CDH18: variants seen among roughly 807,000 people sequenced by gnomAD.
The protein encoded by CDH18 is cadherin 18, also known as cadherin-18.
CDH18 carries 31 observed loss-of-function variants against 67.9 expected under a neutral mutation model. That is an observed-to-expected ratio of 0.46 (90% CI 0.34 to 0.62). The LOEUF (loss-of-function observed/expected upper bound fraction) is 0.62. Among genes scored for constraint, CDH18 ranks in the 20% least tolerant of loss-of-function variants. The pLI is 0.01. For synonymous variants in CDH18, 362 were observed against 347.2 expected (o/e 1.04, Z -0.48); for missense variants, 890 against 975.5 (o/e 0.91, Z 1.17).
chr5:20,298,399 A>C (rs1561950129), intron 1 of CDH18, among the ~76,000 whole-genome samples: 1 of 152,154 alleles, frequency 6.6e-6, no homozygotes, highest in Non-Finnish European at 1.5e-5. Context: ...GAGACCGGTA[A>C]AGGAATTTCA....
At chr5:19,992,449 T>TAAA (rs548977890), upstream of CDH18, among the ~76,000 whole-genome samples, 2 of 128,678 alleles carry the variant, frequency 1.6e-5, no homozygotes, top group Non-Finnish European at 3.3e-5. Flanking sequence ...ATGCCAGACT[T>TAAA]AAAAAAAAAA....
At position 20,019,725 on chromosome 5, in the gene CDH18, C is replaced by A. The variant is rs563510603; in HGVS notation, c.-517-27711G>T. 6.6e-5 allele frequency among the ~76,000 whole-genome samples: 10 copies of A among 152,184 alleles called. 1 individual carries two copies. Among genetic ancestry groups the A allele is most frequent in the African/African-American group, 2.2e-4 (9 of 41,520 alleles). On this transcript the variant is annotated intron_variant, in intron 2 of 14. Transcript: ENST00000507958. ...TATAAATTACCCAGTCTCAGGTAGT[C>A]CTTTATAGCAATGAAAGAATGAACC...
intron 11 of CDH18, among the ~76,000 whole-genome samples, chr5:19,484,505 C>T: frequency 6.6e-6 from 1 of 152,164 alleles, no homozygotes; most frequent in East Asian, 1.9e-4. Context: ...GCTGAAAACC[C>T]ACATGGTCCA....
At chr5:20,160,293 T>C (rs566805958) in intron 2 of CDH18, among the ~76,000 whole-genome samples, 2 of 152,334 alleles carry the variant, frequency 1.3e-5, no homozygotes, top group East Asian at 1.9e-4. Context: ...TATATCTGCC[T>C]GAACCTGAGT....
At chr5:19,775,992 T>G (rs2149760883) in intron 3 of CDH18, among the ~76,000 whole-genome samples, 1 of 152,054 alleles carries the variant, frequency 6.6e-6, no homozygotes, top group Admixed American at 6.6e-5. Context: ...TCAACAAAAA[T>G]GCAGATGTAC....
chr5:20,038,553 C>A (rs1474750256), intron 2 of CDH18, among the ~76,000 whole-genome samples: 1 of 152,032 alleles, frequency 6.6e-6, no homozygotes, highest in Non-Finnish European at 1.5e-5. Flanking sequence ...TGCAAATCAA[C>A]AAATGTAATC....
chr5:20,518,138 C>A (rs557680880), intron 1 of CDH18, among the ~76,000 whole-genome samples: 1 of 152,022 alleles, frequency 6.6e-6, no homozygotes, highest in South Asian at 2.1e-4. Flanking sequence ...AGATATTTTT[C>A]TTGATTCACT....
At chr5:19,609,315 T>C (rs1472528322) in intron 6 of CDH18, among the ~76,000 whole-genome samples, 1 of 151,916 alleles carries the variant, frequency 6.6e-6, no homozygotes, top group Non-Finnish European at 1.5e-5. Flanking sequence ...GTGGCTCCTT[T>C]TCCAACACCA....
chr5:19,485,849 C>T (rs1166547694), intron 11 of CDH18, among the ~76,000 whole-genome samples: 1 of 152,132 alleles, frequency 6.6e-6, no homozygotes, highest in Non-Finnish European at 1.5e-5. Context: ...CGAATAATAA[C>T]ATGTGAAATG....
chr5:20,440,921 A>G (rs1475049322), intron 1 of CDH18, among the ~76,000 whole-genome samples: 1 of 151,992 alleles, frequency 6.6e-6, no homozygotes, highest in Non-Finnish European at 1.5e-5. Context: ...GTCTAGGCAG[A>G]TAGCAAGTTA....
chr5:20,538,456 T>C (rs1173106798), intron 1 of CDH18, among the ~76,000 whole-genome samples: 1 of 152,192 alleles, frequency 6.6e-6, no homozygotes, highest in African/African-American at 2.4e-5. Context: ...TGATTGTATT[T>C]GCTATGAGCA....
At chr5:20,234,308 C>T (rs1742310986) in intron 2 of CDH18, among the ~76,000 whole-genome samples, 1 of 152,116 alleles carries the variant, frequency 6.6e-6, no homozygotes. Context: ...CTGTGGCATT[C>T]CTACTCATCA....
intron 4 of CDH18, among the ~76,000 whole-genome samples, chr5:19,722,741 T>C (rs1188853857): frequency 1.3e-5 from 2 of 152,052 alleles, no homozygotes; most frequent in African/African-American, 4.8e-5. Flanking sequence ...TGATATTTTA[T>C]TCCACATCAC....
At chr5:20,252,154 T>A (rs1743907658) in intron 2 of CDH18, among the ~76,000 whole-genome samples, 1 of 151,668 alleles carries the variant, frequency 6.6e-6, no homozygotes, top group South Asian at 2.1e-4. Context: ...GAGATCGAGA[T>A]CATCCTGGCC....
chr5:20,414,527 T>A (rs1382707976), intron 1 of CDH18, among the ~76,000 whole-genome samples: 1 of 152,186 alleles, frequency 6.6e-6, no homozygotes, highest in Non-Finnish European at 1.5e-5. Context: ...CTCTCACTCT[T>A]TGGGTGATGG....
Position 19,642,293 on chromosome 5 carries a change from C to T in CDH18, c.644-29692G>A, listed in dbSNP as rs187402523. Reference sequence around the variant, plus strand: ...GATTCAATGTAATCCCCATCAAAATCCCAATGACTTTCTTTATGGAAATAG... The same window carrying T: ...GATTCAATGTAATCCCCATCAAAATTCCAATGACTTTCTTTATGGAAATAG... On this transcript the variant is annotated intron_variant, in intron 5 of 12. Coordinates refer to ENST00000382275, the MANE Select transcript of CDH18 (RefSeq NM_004934.5). Among the ~76,000 whole-genome samples the T allele has an allele frequency of 2.8e-4, 42 of 151,994 alleles. 1 individual carries two copies. The highest frequency in any genetic ancestry group is 2.6e-3 in the Admixed American group (39 of 15,276).
chr5:20,250,798 G>T (rs1007367945), intron 2 of CDH18, among the ~76,000 whole-genome samples: 21 of 151,586 alleles, frequency 1.4e-4, no homozygotes, highest in African/African-American at 4.8e-4. Context: ...TAGAGACAGG[G>T]TTTTACCATG....
At chr5:20,219,988 A>G (rs1178097429) in intron 2 of CDH18, among the ~76,000 whole-genome samples, 1 of 151,978 alleles carries the variant, frequency 6.6e-6, no homozygotes, top group Non-Finnish European at 1.5e-5. Context: ...GCACCAAAAA[A>G]GGGAAAGATA....
chr5:19,727,997 T>G (rs1436347689), intron 4 of CDH18, among the ~76,000 whole-genome samples: 2 of 152,240 alleles, frequency 1.3e-5, no homozygotes, highest in Admixed American at 1.3e-4. Context: ...AGCAATTCCT[T>G]TATTTACACT....
Sources: gnomAD v4.1 joint callset for allele counts (sites outside exome capture counted in the v4.1 genomes callset) on GRCh38, gnomAD v4.1.1 for gene constraint, MANE v1.5 for transcripts, NCBI Gene and HGNC (gene_info 2026-07-23, HGNC 2026-07-21) for gene names.